PCDH15: variants seen among roughly 807,000 people sequenced by gnomAD.
PCDH15 encodes the protein protocadherin-15.
In PCDH15, 129 loss-of-function variants were observed where a neutral mutation model predicts 178.5. That is an observed-to-expected ratio of 0.72 (90% CI 0.63 to 0.84). The LOEUF is 0.84. PCDH15 is among the 40% of genes least tolerant of loss of function. The pLI is 0.00. For missense variants in PCDH15, 2,230 were observed against 2,099.9 expected, an observed-to-expected ratio of 1.06 and a Z score of -1.21; for synonymous variants, 800 against 732.0, an observed-to-expected ratio of 1.09 and a Z score of -1.50.
chr10:54,159,429 G>A (rs1048982854), intron 13 of PCDH15, among the ~76,000 whole-genome samples: 7 of 152,068 alleles, frequency 4.6e-5, no homozygotes, highest in Non-Finnish European at 1.0e-4. Context: ...GACATGTCAA[G>A]AAATAAGCAG....
At chr10:54,565,502 A>G (rs1418399273) in intron 2 of PCDH15, among the ~76,000 whole-genome samples, 2 of 152,122 alleles carry the variant, frequency 1.3e-5, no homozygotes, top group African/African-American at 4.8e-5. Context: ...AAACTTTTTA[A>G]GTAGAAACTA....
At chr10:54,219,214 G>T (rs1394744849) in intron 9 of PCDH15, among the ~76,000 whole-genome samples, 1 of 148,150 alleles carries the variant, frequency 6.7e-6, no homozygotes, top group East Asian at 2.0e-4. Context: ...GGCTGAGCTT[G>T]CAGTGAGCTG....
intron 2 of PCDH15, among the ~76,000 whole-genome samples, chr10:55,161,900 C>T (rs1347985150): frequency 2.0e-5 from 3 of 152,102 alleles, no homozygotes; most frequent in Non-Finnish European, 4.4e-5. Context: ...TGTGAATGCG[C>T]TTATTATTCT....
Position 53,888,304 on chromosome 10 carries a change from A to ATATATG in PCDH15, c.3501+14933_3501+14938dup, listed in dbSNP as rs1554845198. On this transcript the variant is annotated intron_variant, in intron 26 of 37. Coordinates refer to ENST00000644397, the MANE Select transcript of PCDH15 (RefSeq NM_001384140.1). Reference sequence around the variant, plus strand: ...ACACTATATATACATATATATATATATATATGTATATATGTACGTATATAT... The same window carrying ATATATG: ...ACACTATATATACATATATATATATATATATGTATATGTATATATGTACGTATATAT... Among the ~76,000 whole-genome samples the ATATATG allele has an allele frequency of 1.7e-4, 15 of 88,944 alleles. No individual in the cohort carries two copies. The East Asian group carries it at 1.7e-3, about 10-fold the overall frequency. The allele number at this position is 88,944 out of a possible 152,430, so 58.4% of individuals were successfully genotyped here. A position where few individuals can be genotyped will look rare whatever the true frequency, so the allele number is the denominator to read the frequency against.
intron 1 of PCDH15, among the ~76,000 whole-genome samples, chr10:55,173,031 T>G (rs1039656491): frequency 1.3e-4 from 20 of 151,994 alleles, no homozygotes; most frequent in Admixed American, 7.2e-4. Context: ...TGATTCAGAT[T>G]TTAGGTCATT....
At position 53,806,933 on chromosome 10, in the gene PCDH15, T is replaced by TAA. The variant is rs781585948; in HGVS notation, c.4867_4868dup (p.Leu1623PhefsTer2). On this transcript the variant is annotated frameshift_variant, in exon 38 of 38. Coordinates refer to ENST00000644397, the MANE Select transcript of PCDH15 (RefSeq NM_001384140.1). LOFTEE classifies it high-confidence loss of function. ...CCAGTCGAACAGGGGAAGCAACTTT[T>TAA]AAGTTGTCCGTGAGGCAGGCACGGC... is the stretch of plus-strand genomic sequence containing the variant. 5 of 1,613,836 alleles carry TAA rather than the reference T, an allele frequency of 3.1e-6. No individual in the cohort carries two copies. The Admixed American group carries it at 8.3e-5, about 27-fold the overall frequency.
rs1425509237 is a variant in PCDH15 at position 53,988,607 on chromosome 10, G to T, written c.2868+7042C>A. 2.0e-5 allele frequency among the ~76,000 whole-genome samples: 3 copies of T among 152,202 alleles called. No homozygotes were observed. The East Asian group carries it at 5.8e-4, about 29-fold the overall frequency. The stretch of plus-strand genomic sequence containing the variant: ...GTGGCTTAATTTAGAGGGTGTTAAG[G>T]CCAAGAATCCAGGTCATGAGAAGCC... On this transcript the variant is annotated intron_variant, in intron 21 of 37. Coordinates refer to ENST00000644397, the MANE Select transcript of PCDH15 (RefSeq NM_001384140.1).
chr10:54,427,221 T>G (rs1197735812), intron 3 of PCDH15, among the ~76,000 whole-genome samples: 1 of 151,088 alleles, frequency 6.6e-6, no homozygotes, highest in African/African-American at 2.4e-5. Context: ...TTATCTTATT[T>G]CTCCTTATTT....
At chr10:55,559,654 A>G (rs1842155064) in intron 2 of PCDH15, among the ~76,000 whole-genome samples, 1 of 151,956 alleles carries the variant, frequency 6.6e-6, no homozygotes. Flanking sequence ...TGCAATACAA[A>G]TAATTCTCAC....
intron 2 of PCDH15, among the ~76,000 whole-genome samples, chr10:55,589,925 A>G (rs1191394778): frequency 6.8e-6 from 1 of 147,948 alleles, no homozygotes; most frequent in Non-Finnish European, 1.5e-5. Context: ...GGGATCTAGA[A>G]CTAGAAATAC....
chr10:55,589,081 C>CAAAAAAA (rs35940637), intron 2 of PCDH15, among the ~76,000 whole-genome samples: 1 of 81,150 alleles, frequency 1.2e-5, no homozygotes, highest in Non-Finnish European at 2.5e-5. Context: ...AATTCCGTGT[C>CAAAAAAA]AAAAAAAAAA....
intron 2 of PCDH15, among the ~76,000 whole-genome samples, chr10:55,066,062 T>C (rs1372038137): frequency 5.3e-5 from 8 of 151,988 alleles, no homozygotes; most frequent in Admixed American, 5.3e-4. Context: ...TTCACATATG[T>C]CAGGAATTTT....
chr10:54,220,731 A>G (rs1268999148), intron 9 of PCDH15, among the ~76,000 whole-genome samples: 3 of 151,812 alleles, frequency 2.0e-5, no homozygotes, highest in African/African-American at 7.3e-5. Flanking sequence ...AGGCTGACGC[A>G]GGAGAATGGA....
chr10:53,886,747 T>C (rs1439391526), intron 26 of PCDH15, among the ~76,000 whole-genome samples: 1 of 152,062 alleles, frequency 6.6e-6, no homozygotes, highest in Non-Finnish European at 1.5e-5. Flanking sequence ...TCTATTCAAA[T>C]GTTACTTAAT....
intron 2 of PCDH15, among the ~76,000 whole-genome samples, chr10:54,538,609 C>G (rs1305653373): frequency 1.3e-5 from 2 of 152,114 alleles, no homozygotes; most frequent in Non-Finnish European, 2.9e-5. Flanking sequence ...ATGTCAAATT[C>G]TAACCTCCAA....
chr10:54,068,491 T>A (rs2094179036), intron 17 of PCDH15, among the ~76,000 whole-genome samples: 1 of 152,176 alleles, frequency 6.6e-6, no homozygotes, highest in Non-Finnish European at 1.5e-5. Flanking sequence ...TATACAGGAT[T>A]GTGTTTTATA....
chr10:54,733,227 A>G (rs1337627512), intron 1 of PCDH15, among the ~76,000 whole-genome samples: 1 of 151,628 alleles, frequency 6.6e-6, no homozygotes, highest in East Asian at 1.9e-4. Flanking sequence ...TGTAGAAAAT[A>G]TCTGAAATCT....
At chr10:55,150,546 A>G (rs1838681039) in intron 2 of PCDH15, among the ~76,000 whole-genome samples, 1 of 152,156 alleles carries the variant, frequency 6.6e-6, no homozygotes, top group Non-Finnish European at 1.5e-5. Flanking sequence ...AATTATTTGC[A>G]CATACTAAAA....
chr10:54,573,949 T>TTTTCTCCCATTGTGTAGGTTGC (rs2090160014), intron 2 of PCDH15, among the ~76,000 whole-genome samples: 1 of 152,066 alleles, frequency 6.6e-6, no homozygotes, highest in African/African-American at 2.4e-5. Context: ...GAGTAGGTTG[T>TTTTCTCCCATTGTGTAGGTTGC]GAAAATTTTC....
Sources: allele counts gnomAD v4.1 joint callset (sites outside exome capture counted in the v4.1 genomes callset), GRCh38; gene constraint gnomAD v4.1.1; transcripts MANE v1.5; gene names NCBI Gene and HGNC (gene_info 2026-07-23, HGNC 2026-07-21).